Variants in MYO3B observed in about 807,000 individuals in gnomAD.
The protein encoded by MYO3B is myosin IIIB.
In MYO3B, 156 loss-of-function variants were observed where a neutral mutation model predicts 174.6. The observed-to-expected ratio is 0.89, with a 90% CI of 0.78 to 1.02. The LOEUF (loss-of-function observed/expected upper bound fraction) is 1.02, where lower values mean the gene tolerates loss of function less well. Among genes scored for constraint, MYO3B ranks in the 50% least tolerant of loss-of-function variants. The pLI, the probability that MYO3B is intolerant of heterozygous loss-of-function variation, is 0.00. For missense variants in MYO3B, 1,632 were observed against 1,639.4 expected (o/e 1.00, Z 0.08); for synonymous variants, 563 against 569.1 (o/e 0.99, Z 0.15).
chr2:170,458,906 G>T (rs1355087326), intron 23 of MYO3B, among the ~76,000 whole-genome samples: 1 of 152,212 alleles, frequency 6.6e-6, no homozygotes, highest in Non-Finnish European at 1.5e-5. Flanking sequence ...ATTGTGAATT[G>T]GTGGGTTCTT....
intron 5 of MYO3B, among the ~76,000 whole-genome samples, chr2:170,217,095 G>A (rs1268286790): frequency 6.6e-6 from 1 of 151,462 alleles, no homozygotes. Flanking sequence ...TCAAATTTCA[G>A]CATCTATAAA....
intron 32 of MYO3B, among the ~76,000 whole-genome samples, chr2:170,607,482 A>G (rs545280305): frequency 1.1e-4 from 17 of 152,338 alleles, no homozygotes; most frequent in African/African-American, 3.8e-4. Context: ...TCTAGTTTCT[A>G]TCTACAAAGA....
chr2:170,184,947 A>T (rs2092445144), intron 1 of MYO3B, among the ~76,000 whole-genome samples: 1 of 152,044 alleles, frequency 6.6e-6, no homozygotes, highest in African/African-American at 2.4e-5. Flanking sequence ...ATTGATTTTG[A>T]GCACCTTTTC....
intron 26 of MYO3B, 21 bp downstream of exon 26, chr2:170,498,724 C>T: frequency 2.1e-6 from 3 of 1,443,262 alleles, no homozygotes; most frequent in South Asian, 1.1e-5. Flanking sequence ...CTTTATTGTT[C>T]AAATTGTCCC....
chr2:170,398,737 A>C (rs1405523859), intron 16 of MYO3B, among the ~76,000 whole-genome samples: 5 of 152,176 alleles, frequency 3.3e-5, no homozygotes, highest in African/African-American at 1.2e-4. Context: ...AACAAATATA[A>C]TAGTCCCTCC....
intron 32 of MYO3B, among the ~76,000 whole-genome samples, chr2:170,645,265 G>A (rs746657739): frequency 5.9e-5 from 9 of 152,098 alleles, no homozygotes; most frequent in African/African-American, 7.2e-5. Context: ...GAGGTCAGGA[G>A]TTCGAGACCA....
intron 22 of MYO3B, among the ~76,000 whole-genome samples, chr2:170,425,619 A>G (rs973119583): frequency 2.6e-5 from 4 of 152,328 alleles, no homozygotes; most frequent in Admixed American, 6.5e-5. Context: ...CCAGGTAATC[A>G]ATGGGAATCA....
intron 1 of MYO3B, among the ~76,000 whole-genome samples, chr2:170,180,475 T>A (rs1015094359): frequency 6.6e-6 from 1 of 152,202 alleles, no homozygotes. Flanking sequence ...TTTCTCTGTT[T>A]TCTTTTTCTT....
In MYO3B at chr2:170,414,015, G is replaced by T. The variant is rs545958967; in HGVS notation, c.2650+6171G>T. ...AGATCACGCCACTACACTCAAGCCTGGGTGACAGAGCGAGACTCCATCTCA... is the reference window on the plus strand; with the variant it reads ...AGATCACGCCACTACACTCAAGCCTTGGTGACAGAGCGAGACTCCATCTCA... On this transcript the variant is annotated intron_variant, in intron 22 of 34. Transcript: ENST00000408978. 3.3e-5 allele frequency among the ~76,000 whole-genome samples: 5 copies of T among 152,140 alleles called. No homozygotes were observed. The South Asian group carries it at 1.0e-3, about 32-fold the overall frequency.
At chr2:170,301,257 T>C (rs942758679) in intron 7 of MYO3B, among the ~76,000 whole-genome samples, 1 of 152,208 alleles carries the variant, frequency 6.6e-6, no homozygotes, top group African/African-American at 2.4e-5. Flanking sequence ...TAGTTAAAAG[T>C]ATCCTAGTTG....
At chr2:170,633,390 T>A (rs1697188455) in intron 32 of MYO3B, among the ~76,000 whole-genome samples, 1 of 152,220 alleles carries the variant, frequency 6.6e-6, no homozygotes, top group Non-Finnish European at 1.5e-5. Flanking sequence ...TCTCAACAGA[T>A]GCAGAAAAGG....
intron 22 of MYO3B, among the ~76,000 whole-genome samples, chr2:170,415,361 A>G (rs1444661739): frequency 6.6e-6 from 1 of 152,160 alleles, no homozygotes; most frequent in Non-Finnish European, 1.5e-5. Context: ...AACCTATTCA[A>G]CATTTTATAT....
At chr2:170,580,495 G>T (rs867382858) in intron 32 of MYO3B, among the ~76,000 whole-genome samples, 2 of 152,078 alleles carry the variant, frequency 1.3e-5, no homozygotes, top group Admixed American at 6.5e-5. Flanking sequence ...AAAATCAGCT[G>T]GGTGTGGTGG....
chr2:170,347,162 TTAACAG>T (rs2094022747), intron 8 of MYO3B, among the ~76,000 whole-genome samples: 1 of 152,222 alleles, frequency 6.6e-6, no homozygotes. Flanking sequence ...GATAATAATA[TTAACAG>T]TAAGATTTAT....
At chr2:170,199,714 C>A (rs2092640284) in intron 2 of MYO3B, among the ~76,000 whole-genome samples, 2 of 152,168 alleles carry the variant, frequency 1.3e-5, no homozygotes, top group Admixed American at 1.3e-4. Flanking sequence ...GATATTCAAT[C>A]ATCTTACGCT....
At chr2:170,408,754 G>A (rs1467690111) in intron 22 of MYO3B, among the ~76,000 whole-genome samples, 1 of 52,592 alleles carries the variant, frequency 1.9e-5, no homozygotes, top group Non-Finnish European at 4.4e-5. Context: ...TGAAAAGCCT[G>A]GCTAAGAAAA....
At chr2:170,645,925 A>AATT (rs1284933680) in intron 32 of MYO3B, among the ~76,000 whole-genome samples, 1 of 152,188 alleles carries the variant, frequency 6.6e-6, no homozygotes, top group African/African-American at 2.4e-5. Flanking sequence ...TATCTGAGTT[A>AATT]ATTTCTTCTC....
At chr2:170,579,804 A>G (rs912388586) in intron 32 of MYO3B, among the ~76,000 whole-genome samples, 1 of 152,232 alleles carries the variant, frequency 6.6e-6, no homozygotes, top group Non-Finnish European at 1.5e-5. Context: ...CCTGCTCTTG[A>G]TGGATCCCCC....
chr2:170,652,006 ATAT>A (rs1699044793), intron 33 of MYO3B, 99 bp from the exon 34 acceptor site: 1 of 1,258,050 alleles, frequency 7.9e-7, no homozygotes, highest in South Asian at 1.3e-5. Context: ...GTGACTTCTG[ATAT>A]TATCAGCATC....
Sources: gnomAD v4.1 joint callset for allele counts (sites outside exome capture counted in the v4.1 genomes callset) on GRCh38, gnomAD v4.1.1 for gene constraint, MANE v1.5 for transcripts, NCBI Gene and HGNC (gene_info 2026-07-23, HGNC 2026-07-21) for gene names.